COL25A1: variants seen among roughly 807,000 people sequenced by gnomAD.
COL25A1 encodes the protein collagen alpha-1(XXV) chain.
Under a neutral mutation model 128.4 loss-of-function variants are expected in COL25A1, and 103 were observed. The observed-to-expected ratio is 0.80, with a 90% CI of 0.68 to 0.94. COL25A1 has a LOEUF of 0.94. Among genes scored for constraint, COL25A1 ranks in the 40% least tolerant of loss-of-function variants. The pLI, the probability that COL25A1 is intolerant of heterozygous loss-of-function variation, is 0.00. For synonymous variants in COL25A1, 279 were observed against 277.2 expected, an observed-to-expected ratio of 1.01 and a Z score of -0.06; for missense variants, 745 against 840.0, an observed-to-expected ratio of 0.89 and a Z score of 1.40.
chr4:108,980,456 C>T (rs779751620), intron 6 of COL25A1, among the ~76,000 whole-genome samples: 1 of 152,190 alleles, frequency 6.6e-6, no homozygotes, highest in Non-Finnish European at 1.5e-5. Flanking sequence ...TAAGCTGGTT[C>T]AACGTAGATG....
chr4:109,285,173 C>T (rs755745945), intron 3 of COL25A1, among the ~76,000 whole-genome samples: 2 of 151,862 alleles, frequency 1.3e-5, no homozygotes, highest in Admixed American at 6.6e-5. Flanking sequence ...ATAAAGCCAT[C>T]GATAGGAAAT....
At chr4:109,143,886 C>T (rs572660483) in intron 3 of COL25A1, among the ~76,000 whole-genome samples, 59 of 152,250 alleles carry the variant, frequency 3.9e-4, no homozygotes, top group African/African-American at 1.4e-3. Flanking sequence ...CTTCTGAAAC[C>T]TACTTCTGGT....
intron 3 of COL25A1, among the ~76,000 whole-genome samples, chr4:109,252,928 T>C (rs984212414): frequency 6.6e-6 from 1 of 152,186 alleles, no homozygotes; most frequent in Non-Finnish European, 1.5e-5. Flanking sequence ...TAGCAAACTT[T>C]CTGTGAGGCC....
At chr4:109,208,165 T>G (rs918958088) in intron 3 of COL25A1, among the ~76,000 whole-genome samples, 4 of 152,204 alleles carry the variant, frequency 2.6e-5, no homozygotes, top group Non-Finnish European at 5.9e-5. Flanking sequence ...TTAACAACTC[T>G]GAAATAAGTC....
At chr4:109,210,286 T>C (rs991809447) in intron 3 of COL25A1, among the ~76,000 whole-genome samples, 3 of 152,234 alleles carry the variant, frequency 2.0e-5, no homozygotes, top group Admixed American at 6.5e-5. Flanking sequence ...ATGTTTTATA[T>C]TGAAATTTTC....
At chr4:109,277,774 TTTA>T (rs888896580) in intron 3 of COL25A1, among the ~76,000 whole-genome samples, 39 of 152,146 alleles carry the variant, frequency 2.6e-4, no homozygotes, top group African/African-American at 8.2e-4. Context: ...ATTAATACAT[TTTA>T]TTATTATGTT....
At chr4:109,095,910 A>G (rs999524014) in intron 3 of COL25A1, among the ~76,000 whole-genome samples, 47 of 152,250 alleles carry the variant, frequency 3.1e-4, no homozygotes, top group African/African-American at 1.0e-3. Flanking sequence ...AGCAAGAGAA[A>G]TTGTTTACCA....
chr4:109,186,834 G>A (rs1486452979), intron 3 of COL25A1, among the ~76,000 whole-genome samples: 1 of 152,160 alleles, frequency 6.6e-6, no homozygotes, highest in Non-Finnish European at 1.5e-5. Flanking sequence ...TTCTGAGGAG[G>A]TCCAAGGTCA....
At chr4:108,859,038 A>G (rs1258410793) in intron 24 of COL25A1, among the ~76,000 whole-genome samples, 1 of 152,216 alleles carries the variant, frequency 6.6e-6, no homozygotes, top group Non-Finnish European at 1.5e-5. Context: ...CAAAGGTGAT[A>G]GAAACAAGCC....
At chr4:109,133,000 TC>T (rs2126071677) in intron 3 of COL25A1, among the ~76,000 whole-genome samples, 1 of 152,166 alleles carries the variant, frequency 6.6e-6, no homozygotes, top group Non-Finnish European at 1.5e-5. Flanking sequence ...CCTGACTTTT[TC>T]CTCCTGAAAA....
rs1560692511 is a variant in COL25A1, at chr4:109,100,562, CTTGT to C, written c.368-50387_368-50384del. 2.6e-5 allele frequency among the ~76,000 whole-genome samples: 4 copies of C among 152,104 alleles called. No individual in the cohort carries two copies. In the East Asian group the frequency reaches 5.8e-4, roughly 22 times the overall value. ...TAAGGAGAATTCATTTTTTCATTTA[CTTGT>C]TTGTTAATCTTATTCATATTATCTA... On this transcript the variant is annotated intron_variant, in intron 3 of 37. Coordinates refer to ENST00000399132, the MANE Select transcript of COL25A1 (RefSeq NM_198721.4).
chr4:109,202,079 T>A (rs1184871766), intron 3 of COL25A1, among the ~76,000 whole-genome samples: 1 of 152,128 alleles, frequency 6.6e-6, no homozygotes, highest in African/African-American at 2.4e-5. Context: ...GCAATCCCGA[T>A]CAACTTCCCA....
chr4:109,048,734 A>G (rs1001808645), intron 4 of COL25A1, among the ~76,000 whole-genome samples: 1 of 152,196 alleles, frequency 6.6e-6, no homozygotes, highest in Admixed American at 6.5e-5. Flanking sequence ...ATTATGCTCA[A>G]TTAAAATACT....
At chr4:109,193,726 C>A (rs1775800735) in intron 3 of COL25A1, among the ~76,000 whole-genome samples, 1 of 152,116 alleles carries the variant, frequency 6.6e-6, no homozygotes, top group Non-Finnish European at 1.5e-5. Context: ...GTAGGAGTCC[C>A]CTGTTGCTCC....
intron 3 of COL25A1, among the ~76,000 whole-genome samples, chr4:109,120,557 C>T (rs930270337): frequency 3.3e-5 from 5 of 151,810 alleles, no homozygotes; most frequent in Non-Finnish European, 5.9e-5. Context: ...ACCTGTAATC[C>T]CAGCATTTTG....
intron 3 of COL25A1, among the ~76,000 whole-genome samples, chr4:109,163,553 C>T (rs1451320972): frequency 2.0e-5 from 3 of 152,178 alleles, no homozygotes; most frequent in Non-Finnish European, 4.4e-5. Flanking sequence ...ACCATTTCCC[C>T]CCAGCAGGAA....
intron 3 of COL25A1, among the ~76,000 whole-genome samples, chr4:109,142,513 T>C (rs1770512293): frequency 1.3e-5 from 2 of 151,986 alleles, no homozygotes; most frequent in South Asian, 4.2e-4. Context: ...GACAGTGGGG[T>C]GTTAAAGTCT....
At chr4:109,047,554 A>G (rs749528419) in intron 5 of COL25A1, among the ~76,000 whole-genome samples, 1 of 152,140 alleles carries the variant, frequency 6.6e-6, no homozygotes, top group Non-Finnish European at 1.5e-5. Context: ...TGGGTACACC[A>G]AAATCTCACA....
intron 19 of COL25A1, among the ~76,000 whole-genome samples, chr4:108,878,083 C>T (rs1437076293): frequency 1.3e-5 from 2 of 152,156 alleles, no homozygotes; most frequent in Non-Finnish European, 2.9e-5. Context: ...TCTCTATAAA[C>T]TTGCAGAATT....
Sources: allele counts gnomAD v4.1 joint callset (sites outside exome capture counted in the v4.1 genomes callset), GRCh38; gene constraint gnomAD v4.1.1; transcripts MANE v1.5; gene names NCBI Gene and HGNC (gene_info 2026-07-23, HGNC 2026-07-21).